PCDHA2: variants seen among roughly 807,000 people sequenced by gnomAD.
PCDHA2 encodes protocadherin alpha-2.
Under a neutral mutation model 66.0 loss-of-function variants are expected in PCDHA2, and 58 were observed. The observed-to-expected ratio is 0.88, with a 90% CI of 0.71 to 1.09. The LOEUF (loss-of-function observed/expected upper bound fraction) is 1.09, where lower values mean the gene tolerates loss of function less well. Among genes scored for constraint, PCDHA2 ranks in the 50% least tolerant of loss-of-function variants. The pLI is 0.00. For missense variants in PCDHA2, 1,267 were observed against 1,242.3 expected (o/e 1.02, Z -0.30); for synonymous variants, 634 against 554.0 (o/e 1.14, Z -2.03).
intron 3 of PCDHA2, among the ~76,000 whole-genome samples, chr5:140,993,250 T>G (rs1554253518): frequency 6.6e-6 from 1 of 152,154 alleles, no homozygotes; most frequent in East Asian, 1.9e-4. Context: ...GGGATTTAGA[T>G]ATATAAATTA....
chr5:140,883,093 A>T (rs1035461317), intron 1 of PCDHA2: 1 of 1,614,146 alleles, frequency 6.2e-7, no homozygotes, highest in Non-Finnish European at 8.5e-7. Flanking sequence ...GTACAAATGG[A>T]GATATAGTTT....
chr5:140,934,346 G>T (rs941608404), intron 1 of PCDHA2, among the ~76,000 whole-genome samples: 1 of 152,130 alleles, frequency 6.6e-6, no homozygotes, highest in South Asian at 2.1e-4. Flanking sequence ...CACCAGTACA[G>T]TGTGGAGCCA....
chr5:140,829,840 G>T, intron 1 of PCDHA2: 1 of 1,613,938 alleles, frequency 6.2e-7, no homozygotes, highest in Admixed American at 1.7e-5. Flanking sequence ...TGGTGCCGCG[G>T]TCACTGGGTG....
chr5:140,855,966 T>G (rs1554148056), intron 1 of PCDHA2: 7 of 1,422,780 alleles, frequency 4.9e-6, no homozygotes, highest in Non-Finnish European at 2.9e-6. Flanking sequence ...AAAATAGATA[T>G]AAGAAATAGG....
At chr5:140,876,714 CCGCGAGAG>C in intron 1 of PCDHA2, 1 of 1,614,230 alleles carries the variant, frequency 6.2e-7, no homozygotes, top group East Asian at 2.2e-5. Context: ...GCGCCCTGGA[CCGCGAGAG>C]CGTGTCGGCC....
intron 1 of PCDHA2, chr5:140,805,509 T>C: frequency 8.1e-6 from 8 of 988,466 alleles, no homozygotes; most frequent in Non-Finnish European, 8.4e-6. Context: ...ACTAGATTGA[T>C]TTTTTGTTTA....
chr5:140,899,162 C>T (rs1237064232), intron 1 of PCDHA2, among the ~76,000 whole-genome samples: 31 of 152,224 alleles, frequency 2.0e-4, no homozygotes, highest in African/African-American at 7.2e-4. Flanking sequence ...TTCCTCTTTT[C>T]CTAATTGAAT....
chr5:140,978,802 T>C, intron 1 of PCDHA2, 147 bp from the exon 2 acceptor site: 1 of 1,483,264 alleles, frequency 6.7e-7, no homozygotes, highest in Non-Finnish European at 9.0e-7. Flanking sequence ...TATGTAGATA[T>C]CATCATAGAG....
In PCDHA2 at chr5:140,949,013, T is replaced by C. The variant is rs541040709; in HGVS notation, c.2389-29936T>C. Among the ~76,000 whole-genome samples, 141 of 151,862 alleles carry C rather than the reference T, an allele frequency of 9.3e-4. No homozygotes were observed. In the Middle Eastern group the frequency reaches 0.01, roughly 11 times the overall value. On this transcript the variant is annotated intron_variant, in intron 1 of 3. Transcript: ENST00000526136. ...GCATTTTACTAATTTTTATATGTGATGTTTTTATTTTTATTCATTTAAAAG... is the reference window on the plus strand; with the variant it reads ...GCATTTTACTAATTTTTATATGTGACGTTTTTATTTTTATTCATTTAAAAG...
At chr5:140,871,533 G>A in intron 1 of PCDHA2, 2 of 1,516,446 alleles carry the variant, frequency 1.3e-6, no homozygotes, top group South Asian at 1.3e-5. Context: ...GGAAGTGTAT[G>A]TGAAATTATT....
At chr5:140,864,478 G>A (rs377075793) in intron 1 of PCDHA2, 3 of 152,180 alleles carry the variant, frequency 2.0e-5, no homozygotes, top group Admixed American at 6.5e-5. Context: ...GATGTTGATT[G>A]CAGTGGGTGG....
At chr5:140,824,177 T>A (rs2150132982) in intron 1 of PCDHA2, 1 of 1,609,658 alleles carries the variant, frequency 6.2e-7, no homozygotes, top group Admixed American at 1.7e-5. Context: ...TTTTCAAATA[T>A]TAAATGTCAC....
At chr5:140,962,665 C>G (rs1457197885) in intron 1 of PCDHA2, among the ~76,000 whole-genome samples, 1 of 152,146 alleles carries the variant, frequency 6.6e-6, no homozygotes, top group African/African-American at 2.4e-5. Context: ...TTTTCATCTT[C>G]CCATCCACTG....
rs782646556 is a variant in PCDHA2 at position 140,869,083 on chromosome 5, T to G, written c.2388+71731T>G. 1.6e-5 allele frequency: 26 copies of G among 1,582,872 alleles called. No individual in the cohort carries two copies. The South Asian group carries it at 2.9e-4, about 18-fold the overall frequency. On this transcript the variant is annotated intron_variant, in intron 1 of 3. Coordinates refer to ENST00000526136, the MANE Select transcript of PCDHA2 (RefSeq NM_018905.3). ...ACTGTAAGTGTAAAGAAGCTTATTT[T>G]GGAAGCCAATTTCGTATGCGATGTT...
rs140727388 is a variant in PCDHA2, at chr5:140,974,245, C to G, written c.2389-4704C>G. Among the ~76,000 whole-genome samples, 191 of 152,268 alleles carry G rather than the reference C, an allele frequency of 1.3e-3. 1 individual carries two copies. The highest frequency in any genetic ancestry group is 4.3e-3 in the African/African-American group (179 of 41,572). Reference sequence around the variant, plus strand: ...ATCTTAGTTCCTTGGCATATAAGCACCATCAGTTCCTTTCTGGCCTTCCAG... The same window carrying G: ...ATCTTAGTTCCTTGGCATATAAGCAGCATCAGTTCCTTTCTGGCCTTCCAG... On this transcript the variant is annotated intron_variant, in intron 1 of 3. Transcript: ENST00000526136.
At chr5:140,987,681 G>A (rs1554249426) in intron 3 of PCDHA2, among the ~76,000 whole-genome samples, 2 of 152,184 alleles carry the variant, frequency 1.3e-5, no homozygotes, top group Non-Finnish European at 2.9e-5. Context: ...TTAGTAAATA[G>A]TAGCTATTTT....
intron 2 of PCDHA2, among the ~76,000 whole-genome samples, chr5:140,981,442 C>T (rs1379745081): frequency 6.6e-6 from 1 of 151,988 alleles, no homozygotes; most frequent in Non-Finnish European, 1.5e-5. Flanking sequence ...GGCATGGTGG[C>T]GGGTGCCTGT....
chr5:140,850,053 C>T, intron 1 of PCDHA2: 4 of 1,596,534 alleles, frequency 2.5e-6, no homozygotes, highest in Non-Finnish European at 3.4e-6. Context: ...GGTGTACGCG[C>T]TGCAGCCGTT....
At position 140,850,252 on chromosome 5, in the gene PCDHA2, G is replaced by C. The variant is rs1377963742; in HGVS notation, c.2388+52900G>C. 3.1e-5 allele frequency: 49 copies of C among 1,593,714 alleles called. 1 individual carries two copies. The East Asian group carries it at 1.0e-3, about 34-fold the overall frequency. ...AGCGAGATGGTGCTGCGGTCGGTGGGCGCCGGCGTAGTGGTGGGGAAGGTG... is the reference window on the plus strand; with the variant it reads ...AGCGAGATGGTGCTGCGGTCGGTGGCCGCCGGCGTAGTGGTGGGGAAGGTG... On this transcript the variant is annotated intron_variant, in intron 1 of 3. Transcript: ENST00000526136.
Sources: gnomAD v4.1 joint callset for allele counts (sites outside exome capture counted in the v4.1 genomes callset) on GRCh38, gnomAD v4.1.1 for gene constraint, MANE v1.5 for transcripts, NCBI Gene and HGNC (gene_info 2026-07-23, HGNC 2026-07-21) for gene names.